Variants in HEXD observed in about 807,000 individuals in gnomAD.
HEXD encodes N-acetyl-beta-galactosaminidase.
HEXD carries 47 observed loss-of-function variants against 54.2 expected under a neutral mutation model. That is an observed-to-expected ratio of 0.87 (90% CI 0.69 to 1.11). HEXD has a LOEUF of 1.11. Ranked by LOEUF, HEXD falls within the 50% of genes least tolerant of loss-of-function variation. The pLI is 0.00. For synonymous variants in HEXD, 293 were observed against 287.6 expected (o/e 1.02, Z -0.19); for missense variants, 576 against 649.2 (o/e 0.89, Z 1.23).
chr17:82,438,282 T>C (rs1240501080), intron 8 of HEXD, among the ~76,000 whole-genome samples: 3 of 152,202 alleles, frequency 2.0e-5, no homozygotes, highest in Admixed American at 2.0e-4. Context: ...AAAACTGTCC[T>C]GGACATTTCA....
chr17:82,425,244 G>C (rs1380626202), intron 3 of HEXD, among the ~76,000 whole-genome samples: 2 of 150,696 alleles, frequency 1.3e-5, no homozygotes, highest in Non-Finnish European at 3.0e-5. Context: ...GAGGAGGCTA[G>C]AGAAGGCTGG....
chr17:82,424,825 CAGAAGGTTAGAGAAGGTTAG>C (rs537370226), intron 3 of HEXD, among the ~76,000 whole-genome samples: 23 of 152,202 alleles, frequency 1.5e-4, no homozygotes, highest in Non-Finnish European at 2.9e-4. Flanking sequence ...GGCTGGACTA[CAGAAGGTTAGAGAAGGTTAG>C]AGAAGGTTAG....
At chr17:82,439,402 C>T in intron 8 of HEXD, 2 of 981,450 alleles carry the variant, frequency 2.0e-6, no homozygotes, top group Middle Eastern at 5.3e-4. Context: ...GCAAGGAATC[C>T]CCACGCTCTT....
At chr17:82,430,241 C>T (rs1396338438) in intron 4 of HEXD, among the ~76,000 whole-genome samples, 1 of 152,230 alleles carries the variant, frequency 6.6e-6, no homozygotes, top group Non-Finnish European at 1.5e-5. Flanking sequence ...GCTGTCAGGG[C>T]AGAAGTGATC....
intron 9 of HEXD, chr17:82,440,306 G>T (rs543768802): frequency 4.7e-6 from 6 of 1,263,214 alleles, no homozygotes; most frequent in African/African-American, 1.5e-5. Flanking sequence ...ACCCGCAGGC[G>T]CGGCGGCCCA....
chr17:82,424,801 T>C (rs1327672354), intron 3 of HEXD, among the ~76,000 whole-genome samples: 1 of 152,254 alleles, frequency 6.6e-6, no homozygotes, highest in Non-Finnish European at 1.5e-5. Context: ...GCGTTTCTTC[T>C]GTTGATGGGA....
chr17:82,439,388 T>A (rs2053862198), intron 8 of HEXD: 1 of 970,094 alleles, frequency 1.0e-6, no homozygotes, highest in African/African-American at 1.8e-5. Context: ...CGGAGAGCAT[T>A]GCAGCAAGGA....
At chr17:82,436,954 T>A in intron 7 of HEXD, 1 of 633,418 alleles carries the variant, frequency 1.6e-6, no homozygotes, top group Middle Eastern at 4.3e-4. Flanking sequence ...GTTTTCCTAG[T>A]GAGCAGGTGA....
At chr17:82,422,022 G>A (rs2053249249) in intron 2 of HEXD, among the ~76,000 whole-genome samples, 1 of 151,858 alleles carries the variant, frequency 6.6e-6, no homozygotes, top group Non-Finnish European at 1.5e-5. Context: ...CCAAAAATTA[G>A]CCCCGTGTGG....
In HEXD at chr17:82,440,436, C is replaced by T. The variant is rs964765762; in HGVS notation, c.983-561C>T. On this transcript the variant is annotated intron_variant, in intron 9 of 12. Coordinates refer to ENST00000327949, the MANE Select transcript of HEXD (RefSeq NM_001330542.2). ...TAAAAACAGACACCCCTGTACCCCA[C>T]ACTAAAGAGCTGTGTTAATATTGAC... 70 of 671,010 alleles carry T rather than the reference C, an allele frequency of 1.0e-4. No individual in the cohort carries two copies. In the African/African-American group the frequency reaches 1.3e-3, roughly 12 times the overall value. The allele number at this position is 671,010 out of a possible 1,614,324, so 41.6% of individuals were successfully genotyped here.
rs200157207 is a variant in HEXD at position 82,436,676 on chromosome 17, T to C, written c.641T>C (p.Val214Ala). The C allele has an allele frequency of 1.2e-6, 2 of 1,610,622 alleles. No homozygotes were observed. Among genetic ancestry groups the C allele is most frequent in the Admixed American group, 1.7e-5 (1 of 59,794 alleles). Reference protein sequence around the residue: ...LPEDQLAASGVPQLVEPVLWD... With the variant: ...LPEDQLAASGAPQLVEPVLWD... ...TCCGCTCTGTCTGCAGCGTCCGGGG[T>C]GCCGCAGCTGGTGGAGCCGGTGCTC... The change falls in exon 7 of 13, where the codon GTG (valine) becomes GCG (alanine). Residue 214 changes from valine (V) to alanine (A), a missense_variant. By Grantham distance (64) the Val-to-Ala change is moderately conservative. Transcript: ENST00000327949.
chr17:82,423,896 G>A (rs923543510), intron 2 of HEXD, among the ~76,000 whole-genome samples: 7 of 151,018 alleles, frequency 4.6e-5, no homozygotes, highest in African/African-American at 9.7e-5. Context: ...GACCAGGAAC[G>A]AATGAGTTCT....
At chr17:82,422,690 CAG>C (rs1436715336) in intron 2 of HEXD, among the ~76,000 whole-genome samples, 14 of 152,168 alleles carry the variant, frequency 9.2e-5, no homozygotes, top group Non-Finnish European at 1.5e-5. Context: ...AAAAAGCAAA[CAG>C]AGATGAAAAG....
rs1186998473 is a variant in HEXD, at chr17:82,436,702, T to C, written c.667T>C (p.Trp223Arg). ...GCCGCAGCTGGTGGAGCCGGTGCTCTGGGACTACACGGCCGACCTGGATGT... is the reference window on the plus strand; with the variant it reads ...GCCGCAGCTGGTGGAGCCGGTGCTCCGGGACTACACGGCCGACCTGGATGT... ...GVPQLVEPVL[W>R]DYTADLDVHG... Residue 223 changes from tryptophan (W) to arginine (R), a missense_variant, in exon 7 of 13, where the codon TGG (tryptophan) becomes CGG (arginine). Transcript: ENST00000327949. 6.2e-7 allele frequency: 1 copy of C among 1,612,534 alleles called. No homozygotes were observed. The highest frequency in any genetic ancestry group is 8.5e-7 in the Non-Finnish European group (1 of 1,179,714).
In HEXD at chr17:82,441,052, C is replaced by G; in HGVS notation, c.1038C>G (p.Ser346Arg). The G allele has an allele frequency of 6.2e-7, 1 of 1,613,574 alleles. No individual in the cohort carries two copies. Among genetic ancestry groups the G allele is most frequent in the Non-Finnish European group, 8.5e-7 (1 of 1,179,972 alleles). The change falls in exon 10 of 13, where the codon AGC (serine) becomes AGG (arginine). Residue 346 changes from serine to arginine, a missense_variant. Ser to Arg is a moderately radical substitution (Grantham distance 110). Coordinates refer to ENST00000327949, the MANE Select transcript of HEXD (RefSeq NM_001330542.2). ...TGGAGAACCTTCTCGGGATTTCCAGCCTGGAAAAAACGGACCCTGTTAGGC... is the reference window on the plus strand; with the variant it reads ...TGGAGAACCTTCTCGGGATTTCCAGGCTGGAAAAAACGGACCCTGTTAGGC... ...AKVENLLGIS[S>R]LEKTDPVREG...
chr17:82,429,827 T>C (rs1158605527), intron 4 of HEXD, among the ~76,000 whole-genome samples: 3 of 152,188 alleles, frequency 2.0e-5, no homozygotes, highest in Non-Finnish European at 4.4e-5. Context: ...GTGCCATTTC[T>C]GCTCCTGCTT....
rs189350301 is a variant in HEXD at position 82,434,752 on chromosome 17, C to T, written c.447+930C>T. Among the ~76,000 whole-genome samples, 350 of 151,964 alleles carry T rather than the reference C, an allele frequency of 2.3e-3. No homozygotes were observed. Among genetic ancestry groups the T allele is most frequent in the Middle Eastern group, 0.014 (4 of 292 alleles). ...ACTCAGGAGGCTGAGGCACGAGAATCGCTTGAACCCAGGAGGTGAAGGTTG... is the reference window on the plus strand; with the variant it reads ...ACTCAGGAGGCTGAGGCACGAGAATTGCTTGAACCCAGGAGGTGAAGGTTG... On this transcript the variant is annotated intron_variant, in intron 5 of 12. Coordinates refer to ENST00000327949, the MANE Select transcript of HEXD (RefSeq NM_001330542.2). This position sits in a 1 kb window ranked among gnomAD's most constrained non-coding sequence, Gnocchi z 4.5.
At chr17:82,428,509 GTCAC>G (rs772037144) in intron 3 of HEXD, 45 bp from the exon 4 acceptor site, 1 of 1,552,986 alleles carries the variant, frequency 6.4e-7, no homozygotes. Context: ...GGGTGTGGAA[GTCAC>G]GTGCTGCTCA....
rs909247711 is a variant in HEXD at position 82,434,822 on chromosome 17, AGT to A, written c.448-865_448-864del. Among the ~76,000 whole-genome samples the A allele has an allele frequency of 6.0e-5, 9 of 151,010 alleles. No homozygotes were observed. Among genetic ancestry groups the A allele is most frequent in the African/African-American group, 2.0e-4 (8 of 40,910 alleles). Reference sequence around the variant, plus strand: ...CACTGCATACCAGCCTGGGCAACAGAGTGAGACTCCGGCTCTAAATAAATAAG... The same window carrying A: ...CACTGCATACCAGCCTGGGCAACAGAGAGACTCCGGCTCTAAATAAATAAG... On this transcript the variant is annotated intron_variant, in intron 5 of 12. Coordinates refer to ENST00000327949, the MANE Select transcript of HEXD (RefSeq NM_001330542.2). This position sits in a 1 kb window ranked among gnomAD's most constrained non-coding sequence, Gnocchi z 4.5.
Sources: allele counts gnomAD v4.1 joint callset (sites outside exome capture counted in the v4.1 genomes callset), GRCh38; gene constraint gnomAD v4.1.1; non-coding constraint Gnocchi (gnomAD v3.1); transcripts MANE v1.5; gene names NCBI Gene and HGNC (gene_info 2026-07-23, HGNC 2026-07-21).